PPFIA2: variants seen among roughly 807,000 people sequenced by gnomAD.
PPFIA2 encodes PPFI scaffold protein A2, also known as liprin-alpha-2.
In PPFIA2, 46 loss-of-function variants were observed where a neutral mutation model predicts 175.5. The ratio of observed to expected loss-of-function variants is 0.26; its 90% CI spans 0.21 to 0.34. The LOEUF is 0.34. Among genes scored for constraint, PPFIA2 ranks in the 10% least tolerant of loss-of-function variants. The pLI is 1.00. For synonymous variants in PPFIA2, 568 were observed against 511.4 expected, an observed-to-expected ratio of 1.11 and a Z score of -1.49; for missense variants, 1,179 against 1,506.1, an observed-to-expected ratio of 0.78 and a Z score of 3.60.
intron 7 of PPFIA2, among the ~76,000 whole-genome samples, chr12:81,438,386 T>C (rs762795022): frequency 1.3e-5 from 2 of 152,130 alleles, no homozygotes; most frequent in African/African-American, 4.8e-5. Flanking sequence ...TAGAATTGCT[T>C]GAACCCAGCA....
chr12:81,396,739 T>C (rs1233184841), intron 8 of PPFIA2, among the ~76,000 whole-genome samples: 1 of 152,088 alleles, frequency 6.6e-6, no homozygotes, highest in African/African-American at 2.4e-5. Context: ...CTCTGATTCA[T>C]GCTGTTTTAA....
intron 4 of PPFIA2, among the ~76,000 whole-genome samples, chr12:81,503,293 T>C (rs1287798500): frequency 6.6e-6 from 1 of 152,112 alleles, no homozygotes; most frequent in Non-Finnish European, 1.5e-5. Flanking sequence ...ATTCCAAGAA[T>C]ATCTCTGATA....
At chr12:81,434,719 A>C (rs1352061781) in intron 7 of PPFIA2, among the ~76,000 whole-genome samples, 1 of 152,086 alleles carries the variant, frequency 6.6e-6, no homozygotes, top group African/African-American at 2.4e-5. Context: ...TTTAGCAATA[A>C]ATATTAACTA....
At chr12:81,368,702 A>AT in intron 13 of PPFIA2, 23 bp downstream of exon 13, 2 of 1,596,116 alleles carry the variant, frequency 1.3e-6, no homozygotes, top group Non-Finnish European at 1.7e-6. Flanking sequence ...TATTCATGTG[A>AT]TTTTACCCTT....
chr12:81,415,504 C>T (rs2045052362), intron 7 of PPFIA2, among the ~76,000 whole-genome samples: 2 of 149,334 alleles, frequency 1.3e-5, no homozygotes, highest in South Asian at 4.2e-4. Context: ...TTGGCTATTT[C>T]CAAATTTTAC....
intron 4 of PPFIA2, among the ~76,000 whole-genome samples, chr12:81,607,697 CAG>C (rs764857154): frequency 6.6e-6 from 1 of 152,034 alleles, no homozygotes; most frequent in Non-Finnish European, 1.5e-5. Context: ...AGCCTTTTGG[CAG>C]AGTCTTTAGA....
At chr12:81,616,304 C>A (rs1744404503) in intron 4 of PPFIA2, among the ~76,000 whole-genome samples, 1 of 152,036 alleles carries the variant, frequency 6.6e-6, no homozygotes, top group African/African-American at 2.4e-5. Flanking sequence ...TTTGAGAGGT[C>A]ATTTTACCTT....
intron 21 of PPFIA2, among the ~76,000 whole-genome samples, chr12:81,333,660 T>C (rs1387918514): frequency 6.6e-6 from 1 of 152,200 alleles, no homozygotes; most frequent in Non-Finnish European, 1.5e-5. Flanking sequence ...CCAAGAACTA[T>C]ACTTTTAGAG....
intron 4 of PPFIA2, chr12:81,465,422 T>C (rs1294467753): frequency 5.9e-5 from 9 of 152,262 alleles, no homozygotes; most frequent in Admixed American, 2.6e-4. Flanking sequence ...AAAATAGCGC[T>C]CAGGAAAGCA....
At position 81,495,515 on chromosome 12, in the gene PPFIA2, A is replaced by C. The variant is rs1273485188; in HGVS notation, c.304-37649T>G. The stretch of plus-strand genomic sequence containing the variant: ...TACACTTAAATACTTTGATTTTAAA[A>C]TGTGTAGGGCTAGGTATGGTGGCTC... On this transcript the variant is annotated intron_variant, in intron 4 of 32. Transcript: ENST00000549396. Among the ~76,000 whole-genome samples, 5 of 152,250 alleles carry C rather than the reference A, an allele frequency of 3.3e-5. No homozygotes were observed. In the East Asian group the frequency reaches 9.7e-4, roughly 29 times the overall value.
At chr12:81,559,275 AC>A in intron 4 of PPFIA2, among the ~76,000 whole-genome samples, 1 of 152,330 alleles carries the variant, frequency 6.6e-6, no homozygotes, top group South Asian at 2.1e-4. Context: ...TGTGGTAGAA[AC>A]AGCGTGTGCA....
rs1361321363 is a variant in PPFIA2 at position 81,367,186 on chromosome 12, T to C, written c.1483-16A>G. On this transcript the variant is annotated splice_polypyrimidine_tract_variant and intron_variant, in intron 13 of 32. Transcript: ENST00000549396. ...TTAAAACATTCTAAAGAAAAGAAAATAGCAGAAATAATTAATAAATTAAAC... is the reference window on the plus strand; with the variant it reads ...TTAAAACATTCTAAAGAAAAGAAAACAGCAGAAATAATTAATAAATTAAAC... 2.3e-6 allele frequency: 3 copies of C among 1,327,418 alleles called. No homozygotes were observed. The highest frequency in any genetic ancestry group is 2.7e-5 in the East Asian group (1 of 36,808). The allele number at this position is 1,327,418 out of a possible 1,614,324, so 82.2% of individuals were successfully genotyped here.
intron 6 of PPFIA2, among the ~76,000 whole-genome samples, chr12:81,445,298 G>A (rs1467933084): frequency 6.6e-6 from 1 of 150,704 alleles, no homozygotes; most frequent in African/African-American, 2.4e-5. Context: ...TCTGAAGTAG[G>A]GTTATAATGT....
intron 7 of PPFIA2, among the ~76,000 whole-genome samples, chr12:81,415,409 T>A (rs151247533): frequency 1.0e-3 from 153 of 148,946 alleles, no homozygotes; most frequent in African/African-American, 3.6e-3. Flanking sequence ...ATAAATTACC[T>A]AAGTGCTAAA....
At chr12:81,377,359 G>T (rs1322153769) in intron 9 of PPFIA2, among the ~76,000 whole-genome samples, 1 of 152,038 alleles carries the variant, frequency 6.6e-6, no homozygotes, top group Non-Finnish European at 1.5e-5. Flanking sequence ...CAGCCTGCCT[G>T]GCTAACATGG....
chr12:81,258,252 C>T lies in PPFIA2; in HGVS notation c.*1442G>A, dbSNP rs559009249. On this transcript the variant is annotated 3_prime_UTR_variant, in exon 33 of 33. Coordinates refer to ENST00000549396, the MANE Select transcript of PPFIA2 (RefSeq NM_003625.5). Reference sequence around the variant, plus strand: ...AGCCTTATGTGACTAGAAAACAAAGCTTAAACAGAGAACTGGAATTATTAT... The same window carrying T: ...AGCCTTATGTGACTAGAAAACAAAGTTTAAACAGAGAACTGGAATTATTAT... 14 of 152,150 alleles carry T rather than the reference C, an allele frequency of 9.2e-5. No individual in the cohort carries two copies. Among genetic ancestry groups the T allele is most frequent in the Admixed American group, 3.9e-4 (6 of 15,258 alleles). The allele number at this position is 152,150 out of a possible 1,614,324, so 9.4% of individuals were successfully genotyped here. A position where few individuals can be genotyped will look rare whatever the true frequency, so the allele number is the denominator to read the frequency against.
intron 4 of PPFIA2, among the ~76,000 whole-genome samples, chr12:81,627,280 G>T (rs1261098250): frequency 1.3e-5 from 2 of 152,194 alleles, no homozygotes; most frequent in East Asian, 3.9e-4. Context: ...ATAACTAGAG[G>T]AGTGGGCCTA....
At chr12:81,618,034 G>A in intron 4 of PPFIA2, among the ~76,000 whole-genome samples, 1 of 152,132 alleles carries the variant, frequency 6.6e-6, no homozygotes, top group East Asian at 1.9e-4. Context: ...TTTTCTCAGG[G>A]CATTTGCAGT....
intron 3 of PPFIA2, among the ~76,000 whole-genome samples, chr12:81,720,722 T>C (rs2079202514): frequency 6.6e-6 from 1 of 151,400 alleles, no homozygotes. Context: ...AATTGTCCCT[T>C]AGTTCCTGCT....
Sources: allele counts gnomAD v4.1 joint callset (sites outside exome capture counted in the v4.1 genomes callset), GRCh38; gene constraint gnomAD v4.1.1; transcripts MANE v1.5; gene names NCBI Gene and HGNC (gene_info 2026-07-23, HGNC 2026-07-21).